RALYL: variants seen among roughly 807,000 people sequenced by gnomAD.
RALYL encodes the protein RNA-binding Raly-like protein.
Under a neutral mutation model 35.1 loss-of-function variants are expected in RALYL, and 29 were observed. The ratio of observed to expected loss-of-function variants is 0.83; its 90% CI spans 0.61 to 1.13. The LOEUF (loss-of-function observed/expected upper bound fraction) is 1.13, where lower values mean the gene tolerates loss of function less well. RALYL is among the 50% of genes most tolerant of loss of function. The pLI is 0.00. For missense variants in RALYL, 359 were observed against 360.4 expected (o/e 1.00, Z 0.03); for synonymous variants, 120 against 127.6 (o/e 0.94, Z 0.40).
intron 1 of RALYL, among the ~76,000 whole-genome samples, chr8:84,223,199 CCTTCCATTCCTCCCTTCCCTTCCCT>C (rs1380719435): frequency 1.0e-5 from 1 of 97,400 alleles, no homozygotes; most frequent in African/African-American, 4.5e-5. Flanking sequence ...CCTTCCCTTC[CCTTCCATTCCTCCCTTCCCTTCCCT>C]TCCCTTCCCT....
At chr8:84,852,046 C>T (rs143144976) in intron 5 of RALYL, among the ~76,000 whole-genome samples, 3 of 152,310 alleles carry the variant, frequency 2.0e-5, no homozygotes, top group East Asian at 3.9e-4. Flanking sequence ...TTTAGAGACA[C>T]AGTCATTTTC....
At chr8:84,303,897 C>T (rs2132409190) in intron 1 of RALYL, among the ~76,000 whole-genome samples, 1 of 152,136 alleles carries the variant, frequency 6.6e-6, no homozygotes, top group Non-Finnish European at 1.5e-5. Context: ...TTGACACTTT[C>T]TCTTTTTATT....
At chr8:84,258,198 T>C (rs1042314912) in intron 1 of RALYL, among the ~76,000 whole-genome samples, 1 of 152,140 alleles carries the variant, frequency 6.6e-6, no homozygotes, top group Non-Finnish European at 1.5e-5. Context: ...CCTCTTCCTT[T>C]ATCTGTTTGT....
intron 5 of RALYL, among the ~76,000 whole-genome samples, chr8:84,856,628 A>G (rs1350752553): frequency 2.0e-5 from 3 of 152,228 alleles, no homozygotes; most frequent in African/African-American, 4.8e-5. Context: ...TTCTGATTCA[A>G]CTGTAACCAA....
At chr8:84,837,634 T>A (rs974051608) in intron 4 of RALYL, among the ~76,000 whole-genome samples, 6 of 152,190 alleles carry the variant, frequency 3.9e-5, no homozygotes, top group African/African-American at 1.4e-4. Flanking sequence ...GGAAAGTTAC[T>A]TGGTCCTCAT....
At chr8:84,588,787 A>T (rs1331449758) in intron 2 of RALYL, among the ~76,000 whole-genome samples, 1 of 152,228 alleles carries the variant, frequency 6.6e-6, no homozygotes, top group Non-Finnish European at 1.5e-5. Context: ...AAGGAACAGC[A>T]GTTAACTGAA....
chr8:84,773,247 A>G (rs1563570732), intron 2 of RALYL, among the ~76,000 whole-genome samples: 1 of 152,110 alleles, frequency 6.6e-6, no homozygotes, highest in East Asian at 1.9e-4. Context: ...CAAATCCCTT[A>G]CTTTCTTGCT....
At chr8:84,803,902 A>G (rs1823955547) in intron 3 of RALYL, among the ~76,000 whole-genome samples, 1 of 152,224 alleles carries the variant, frequency 6.6e-6, no homozygotes, top group African/African-American at 2.4e-5. Flanking sequence ...GGATTTAGTT[A>G]AAAATATCTT....
chr8:84,701,429 C>T (rs374778301), intron 2 of RALYL, among the ~76,000 whole-genome samples: 33 of 152,220 alleles, frequency 2.2e-4, no homozygotes, highest in Non-Finnish European at 3.2e-4. Context: ...TTCTCTGAAA[C>T]GGAACCATCA....
chr8:84,369,941 C>T (rs1855343385), intron 1 of RALYL, among the ~76,000 whole-genome samples: 1 of 152,094 alleles, frequency 6.6e-6, no homozygotes, highest in African/African-American at 2.4e-5. Context: ...GGATTAGAGA[C>T]ATTCAGATAC....
intron 4 of RALYL, among the ~76,000 whole-genome samples, chr8:84,845,832 G>A (rs999017365): frequency 6.6e-6 from 1 of 152,148 alleles, no homozygotes; most frequent in African/African-American, 2.4e-5. Context: ...TATGGTGAAA[G>A]GTTGTGGTCT....
chr8:84,920,874 A>ATT lies in RALYL; in HGVS notation c.859-12_859-11dup. 2 of 1,253,458 alleles carry ATT rather than the reference A, an allele frequency of 1.6e-6. No homozygotes were observed. The highest frequency in any genetic ancestry group is 2.8e-5 in the Admixed American group (1 of 35,274). 77.6% of individuals were successfully genotyped at this position (1,253,458 alleles called of 1,614,324 possible). ...AAAACACAAATCTCTGTATTTTAAA[A>ATT]TTTTTTTTTATTTTCTCAGTTTCTA... On this transcript the variant is annotated intron_variant, in intron 8 of 8. Transcript: ENST00000521268.
chr8:84,671,455 G>T (rs1297448310), intron 2 of RALYL, among the ~76,000 whole-genome samples: 1 of 152,178 alleles, frequency 6.6e-6, no homozygotes, highest in Non-Finnish European at 1.5e-5. Context: ...CTTCCACACT[G>T]CCCTGTCAGA....
At chr8:84,621,955 C>T (rs1253949917) in intron 2 of RALYL, among the ~76,000 whole-genome samples, 1 of 152,124 alleles carries the variant, frequency 6.6e-6, no homozygotes, top group Non-Finnish European at 1.5e-5. Context: ...ATAACATTTG[C>T]TAATTACAAG....
chr8:84,799,920 C>T (rs1005447151), intron 3 of RALYL, among the ~76,000 whole-genome samples: 1 of 152,186 alleles, frequency 6.6e-6, no homozygotes, highest in African/African-American at 2.4e-5. Context: ...CACGCCACTG[C>T]ACTCCAGCCT....
At chr8:84,694,610 A>G (rs1234485001) in intron 2 of RALYL, among the ~76,000 whole-genome samples, 1 of 151,912 alleles carries the variant, frequency 6.6e-6, no homozygotes, top group Non-Finnish European at 1.5e-5. Context: ...GCAATCCTAA[A>G]ATATGTATGG....
intron 1 of RALYL, among the ~76,000 whole-genome samples, chr8:84,437,002 T>G (rs186009905): frequency 2.0e-5 from 3 of 152,112 alleles, no homozygotes; most frequent in African/African-American, 7.2e-5. Flanking sequence ...TACCCAACAG[T>G]TTTTCAACCC....
intron 7 of RALYL, among the ~76,000 whole-genome samples, chr8:84,885,649 A>T (rs561068489): frequency 1.1e-4 from 17 of 152,102 alleles, no homozygotes; most frequent in Non-Finnish European, 1.6e-4. Context: ...ATATGAAGTA[A>T]ATGTCTTTCT....
intron 1 of RALYL, among the ~76,000 whole-genome samples, chr8:84,229,446 T>A (rs946328315): frequency 9.2e-5 from 14 of 152,172 alleles, no homozygotes; most frequent in African/African-American, 3.4e-4. Context: ...AAATAACCAA[T>A]AACCAATTGC....
Sources: gnomAD v4.1 joint callset for allele counts (sites outside exome capture counted in the v4.1 genomes callset) on GRCh38, gnomAD v4.1.1 for gene constraint, MANE v1.5 for transcripts, NCBI Gene and HGNC (gene_info 2026-07-23, HGNC 2026-07-21) for gene names.